Variants in CSMD1 observed in about 807,000 individuals in gnomAD.
CSMD1 encodes CUB and Sushi multiple domains 1.
In CSMD1, 213 loss-of-function variants were observed where a neutral mutation model predicts 417.5. The observed-to-expected ratio is 0.51, with a 90% confidence interval of 0.46 to 0.57. The LOEUF (loss-of-function observed/expected upper bound fraction) is 0.57, where lower values mean the gene tolerates loss of function less well. Among genes scored for constraint, CSMD1 ranks in the 20% least tolerant of loss-of-function variants. The pLI is 0.00. For synonymous variants in CSMD1, 2,862 were observed against 1,736.8 expected (o/e 1.65, Z -16.11); for missense variants, 6,923 against 4,529.7 (o/e 1.53, Z -15.17).
intron 1 of CSMD1, among the ~76,000 whole-genome samples, chr8:4,714,483 T>G (rs1042845771): frequency 6.6e-6 from 1 of 152,224 alleles, no homozygotes; most frequent in Non-Finnish European, 1.5e-5. Context: ...TGCTTCATCT[T>G]ACTTAACTTT....
chr8:3,981,577 C>T (rs1452488969), intron 5 of CSMD1, among the ~76,000 whole-genome samples: 1 of 149,158 alleles, frequency 6.7e-6, no homozygotes, highest in Non-Finnish European at 1.5e-5. Context: ...TCCATCACAT[C>T]ACTCATAATT....
chr8:4,018,756 G>A (rs1047017929), intron 4 of CSMD1, among the ~76,000 whole-genome samples: 4 of 152,102 alleles, frequency 2.6e-5, no homozygotes, highest in Non-Finnish European at 1.5e-5. Context: ...TGTGACAAGG[G>A]CCGTGGCACA....
At chr8:3,728,061 G>C (rs902957714) in intron 6 of CSMD1, among the ~76,000 whole-genome samples, 7 of 152,166 alleles carry the variant, frequency 4.6e-5, no homozygotes, top group Non-Finnish European at 8.8e-5. Flanking sequence ...GAAAGGGTTT[G>C]GCTATGACAG....
chr8:3,975,835 A>G (rs1245463017), intron 5 of CSMD1, among the ~76,000 whole-genome samples: 1 of 152,234 alleles, frequency 6.6e-6, no homozygotes. Context: ...TTCTTCATAT[A>G]AAATTTTTAG....
chr8:4,240,564 C>T lies in CSMD1; in HGVS notation c.415+179389G>A, dbSNP rs556501707. Among the ~76,000 whole-genome samples, 9 of 152,284 alleles carry T rather than the reference C, an allele frequency of 5.9e-5. No individual in the cohort carries two copies. The South Asian group carries it at 1.9e-3, about 32-fold the overall frequency. ...CCTCTTAGAAGCCTGTGCCTCCTGC[C>T]TTTTTATTTTATCTTTTAGCTCAAA... is the stretch of plus-strand genomic sequence containing the variant. On this transcript the variant is annotated intron_variant, in intron 3 of 69. Transcript: ENST00000635120.
chr8:4,820,629 G>C (rs930625822), intron 1 of CSMD1, among the ~76,000 whole-genome samples: 7 of 152,154 alleles, frequency 4.6e-5, no homozygotes, highest in Non-Finnish European at 1.0e-4. Flanking sequence ...GTAATTTTGA[G>C]TTGAAAAATT....
chr8:4,828,091 T>G (rs897360166), intron 1 of CSMD1, among the ~76,000 whole-genome samples: 1 of 152,166 alleles, frequency 6.6e-6, no homozygotes, highest in Non-Finnish European at 1.5e-5. Context: ...CTTCAGTCTT[T>G]TTTGACAAAG....
chr8:3,626,178 C>A (rs888679938), intron 7 of CSMD1, among the ~76,000 whole-genome samples: 1 of 152,222 alleles, frequency 6.6e-6, no homozygotes, highest in African/African-American at 2.4e-5. Flanking sequence ...ATGCCTCCGG[C>A]TGGCTCCCGC....
At chr8:3,390,608 A>C (rs1811293416) in intron 17 of CSMD1, among the ~76,000 whole-genome samples, 1 of 152,052 alleles carries the variant, frequency 6.6e-6, no homozygotes, top group Non-Finnish European at 1.5e-5. Flanking sequence ...TTCTTACTTG[A>C]ACCTTAAAGC....
At chr8:3,802,769 T>G (rs1355570555) in intron 5 of CSMD1, among the ~76,000 whole-genome samples, 2 of 152,330 alleles carry the variant, frequency 1.3e-5, no homozygotes, top group East Asian at 3.9e-4. Flanking sequence ...GCTTGAAAAT[T>G]TAAAGCTTAG....
intron 5 of CSMD1, among the ~76,000 whole-genome samples, chr8:3,963,668 T>A (rs1353174613): frequency 6.6e-6 from 1 of 152,254 alleles, no homozygotes; most frequent in East Asian, 1.9e-4. Flanking sequence ...CGTATGATTT[T>A]GTATGTGTGT....
intron 1 of CSMD1, among the ~76,000 whole-genome samples, chr8:4,671,959 G>A (rs190460508): frequency 1.8e-4 from 27 of 152,330 alleles, no homozygotes; most frequent in Non-Finnish European, 2.9e-4. Flanking sequence ...GCACCTCGCC[G>A]AGGTAGGCAG....
chr8:3,896,805 T>C (rs1037133017), intron 5 of CSMD1, among the ~76,000 whole-genome samples: 2 of 152,132 alleles, frequency 1.3e-5, no homozygotes, highest in Admixed American at 1.3e-4. Flanking sequence ...TCTGAATTGA[T>C]GGTCTGATTG....
chr8:4,278,145 G>C (rs552195982), intron 3 of CSMD1, among the ~76,000 whole-genome samples: 2 of 152,152 alleles, frequency 1.3e-5, no homozygotes, highest in Non-Finnish European at 2.9e-5. Context: ...CCACCAAAGA[G>C]AAGAATCTAT....
chr8:3,684,175 C>T (rs1585071533), intron 7 of CSMD1, among the ~76,000 whole-genome samples: 1 of 131,938 alleles, frequency 7.6e-6, no homozygotes, highest in African/African-American at 2.9e-5. Context: ...TATATATTTA[C>T]ATGTTACATG....
At chr8:4,506,047 T>G (rs1016834409) in intron 2 of CSMD1, among the ~76,000 whole-genome samples, 2 of 152,040 alleles carry the variant, frequency 1.3e-5, no homozygotes, top group Admixed American at 1.3e-4. Flanking sequence ...TTTTTGAACA[T>G]CTAACATGTA....
At chr8:4,669,367 G>T (rs932003400) in intron 1 of CSMD1, among the ~76,000 whole-genome samples, 2 of 152,134 alleles carry the variant, frequency 1.3e-5, no homozygotes, top group Non-Finnish European at 1.5e-5. Flanking sequence ...CGTATTTCTC[G>T]ATGAGATTTT....
chr8:3,197,711 G>A (rs538137292), intron 33 of CSMD1, among the ~76,000 whole-genome samples: 14 of 152,104 alleles, frequency 9.2e-5, no homozygotes, highest in South Asian at 4.2e-4. Context: ...TGATCCGCCC[G>A]CCTCGGCCTC....
intron 5 of CSMD1, among the ~76,000 whole-genome samples, chr8:3,839,771 G>C (rs1165014280): frequency 6.6e-6 from 1 of 151,370 alleles, no homozygotes; most frequent in African/African-American, 2.4e-5. Context: ...TGCTCAGAGA[G>C]TTTATATTTG....
Sources: allele counts gnomAD v4.1 joint callset (sites outside exome capture counted in the v4.1 genomes callset), GRCh38; gene constraint gnomAD v4.1.1; transcripts MANE v1.5; gene names NCBI Gene and HGNC (gene_info 2026-07-23, HGNC 2026-07-21).